The following ITGB3 variants were observed in gnomAD, a reference collection of about 807,000 sequenced individuals.
ITGB3 encodes integrin subunit beta 3, also known as integrin beta-3.
In ITGB3, 48 loss-of-function variants were observed where a neutral mutation model predicts 85.8. The observed-to-expected ratio is 0.56, with a 90% CI of 0.44 to 0.71. ITGB3 has a LOEUF of 0.71. Ranked by LOEUF, ITGB3 falls within the 30% of genes least tolerant of loss-of-function variation. The probability of loss-of-function intolerance (pLI) is 0.00; values close to 1 mark genes in which losing one functional copy is unlikely to be tolerated. For synonymous variants in ITGB3, 363 were observed against 395.6 expected, an observed-to-expected ratio of 0.92 and a Z score of 0.98; for missense variants, 861 against 1,019.1, an observed-to-expected ratio of 0.84 and a Z score of 2.11.
rs1347598077 is a variant in ITGB3, at chr17:47,313,629, G to T, written c.*3425G>T. On this transcript the variant is annotated 3_prime_UTR_variant, in exon 15 of 15. Transcript: ENST00000559488. ...CTCCCAAAGTGCTGGGATTACAGGC[G>T]TGAGCCACTGCCCCCGGCTGTGGTT... is the stretch of plus-strand genomic sequence containing the variant. Among the ~76,000 whole-genome samples the T allele has an allele frequency of 6.6e-6, 1 of 152,116 alleles. No homozygotes were observed. The highest frequency in any genetic ancestry group is 1.5e-5 in the Non-Finnish European group (1 of 68,018).
chr17:47,302,601 A>G, intron 12 of ITGB3, 120 bp from the exon 13 acceptor site: 1 of 1,199,732 alleles, frequency 8.3e-7, no homozygotes, highest in Non-Finnish European at 1.2e-6. Flanking sequence ...GGCATCGTGC[A>G]CATGAGGCAC....
Position 47,310,320 on chromosome 17 carries a change from T to C in ITGB3, c.*116T>C. ...GAGGGATTTGGGGCTCAGAGTGGGG[T>C]AGGTTGGGAGAATGTCAGTATGTGG... On this transcript the variant is annotated 3_prime_UTR_variant, in exon 15 of 15. Coordinates refer to ENST00000559488, the MANE Select transcript of ITGB3 (RefSeq NM_000212.3). 1.0e-6 allele frequency: 1 copy of C among 968,472 alleles called. No individual in the cohort carries two copies. The highest frequency in any genetic ancestry group is 1.4e-5 in the South Asian group (1 of 73,786). 60.0% of individuals were successfully genotyped at this position (968,472 alleles called of 1,614,324 possible). A position where few individuals can be genotyped will look rare whatever the true frequency, so the allele number is the denominator to read the frequency against.
In ITGB3 at chr17:47,287,240, T is replaced by C. The variant is rs2097281713; in HGVS notation, c.939+9T>C. On this transcript the variant is annotated intron_variant, in intron 6 of 14. Coordinates refer to ENST00000559488, the MANE Select transcript of ITGB3 (RefSeq NM_000212.3). ...CTGCCTCCACTACCATGGTGAGATC[T>C]CTGGCACCACCTATGGTTTCTATTC... The C allele has an allele frequency of 3.1e-6, 5 of 1,613,598 alleles. No individual in the cohort carries two copies. The highest frequency in any genetic ancestry group is 3.4e-6 in the Non-Finnish European group (4 of 1,179,622).
chr17:47,308,208 T>G (rs2065197496), intron 14 of ITGB3, among the ~76,000 whole-genome samples: 1 of 122,764 alleles, frequency 8.1e-6, no homozygotes, highest in Admixed American at 7.8e-5. Flanking sequence ...AAAAGGTTAC[T>G]TCCAAATCAG....
At chr17:47,291,229 T>C in intron 9 of ITGB3, 141 bp downstream of exon 9, 1 of 955,076 alleles carries the variant, frequency 1.0e-6, no homozygotes, top group East Asian at 2.5e-5. Context: ...CTGAAAGTCA[T>C]TCTAAGTTAG....
At chr17:47,307,024 G>T (rs1598702475) in intron 13 of ITGB3, among the ~76,000 whole-genome samples, 1 of 152,052 alleles carries the variant, frequency 6.6e-6, no homozygotes, top group Non-Finnish European at 1.5e-5. Flanking sequence ...TGCTTTAGGG[G>T]TACATGTGTG....
At chr17:47,258,663 G>C (rs904973452) in intron 1 of ITGB3, among the ~76,000 whole-genome samples, 1 of 151,564 alleles carries the variant, frequency 6.6e-6, no homozygotes, top group Non-Finnish European at 1.5e-5. Context: ...GGCTGGTCTC[G>C]AACTTCTGAG....
At chr17:47,271,521 A>G (rs904043666) in intron 1 of ITGB3, among the ~76,000 whole-genome samples, 4 of 152,232 alleles carry the variant, frequency 2.6e-5, no homozygotes, top group African/African-American at 9.7e-5. Flanking sequence ...AAATTGGTTA[A>G]TATTCTGCAA....
chr17:47,272,056 A>ATTTTTTT (rs58156465), intron 1 of ITGB3, among the ~76,000 whole-genome samples: 2 of 103,322 alleles, frequency 1.9e-5, no homozygotes, highest in African/African-American at 7.7e-5. Flanking sequence ...CACCGGGGCT[A>ATTTTTTT]TTTTTTTTTT....
At position 47,299,160 on chromosome 17, in the gene ITGB3, G is replaced by C; in HGVS notation, c.1691-148G>C. 1 of 761,690 alleles carries C rather than the reference G, an allele frequency of 1.3e-6. No homozygotes were observed. Among genetic ancestry groups the C allele is most frequent in the East Asian group, 2.7e-5 (1 of 37,276 alleles). The allele number at this position is 761,690 out of a possible 1,614,324, so 47.2% of individuals were successfully genotyped here. ...AACTGAGTTTGTCCCTGCTGGGTAG[G>C]ACTCCCCTGGGTGGTGAGCCAATTC... On this transcript the variant is annotated intron_variant, in intron 10 of 14. Coordinates refer to ENST00000559488, the MANE Select transcript of ITGB3 (RefSeq NM_000212.3). This position sits in a 1 kb window ranked among gnomAD's most constrained non-coding sequence, Gnocchi z 5.1.
intron 2 of ITGB3, among the ~76,000 whole-genome samples, chr17:47,274,898 C>T (rs1285230464): frequency 1.3e-5 from 2 of 152,158 alleles, no homozygotes; most frequent in East Asian, 3.8e-4. Flanking sequence ...CCTACCTTGG[C>T]CTCCCAATGT....
rs747534508 is a variant in ITGB3, at chr17:47,299,418, T to C, written c.1801T>C (p.Cys601Arg). 3.7e-6 allele frequency: 6 copies of C among 1,614,240 alleles called. No individual in the cohort carries two copies. Among genetic ancestry groups the C allele is most frequent in the Non-Finnish European group, 5.1e-6 (6 of 1,180,028 alleles). Reference protein sequence around the residue: ...DTCMSSNGLLCSGRGKCECGS... With the variant: ...DTCMSSNGLLRSGRGKCECGS... ...CTGCATGTCCAGCAATGGGCTGCTGTGCAGCGGCCGCGGCAAGTGTGAATG... is the reference window on the plus strand; with the variant it reads ...CTGCATGTCCAGCAATGGGCTGCTGCGCAGCGGCCGCGGCAAGTGTGAATG... Residue 601 changes from cysteine (C) to arginine (R), a missense_variant, in exon 11 of 15, where the codon TGC (cysteine) becomes CGC (arginine). Transcript: ENST00000559488. This position sits in a 1 kb window ranked among gnomAD's most constrained non-coding sequence, Gnocchi z 5.1.
chr17:47,284,586 C>T lies in ITGB3; in HGVS notation c.505C>T (p.Arg169Ter), dbSNP rs1038392991. 5 of 1,614,108 alleles carry T rather than the reference C, an allele frequency of 3.1e-6. No individual in the cohort carries two copies. The highest frequency in any genetic ancestry group is 1.6e-4 in the Middle Eastern group (1 of 6,062). ...GGGTACCAAGCTGGCCACCCAGATG[C>T]GAAAGCTCACCAGTAACCTGCGGAT... ...NLGTKLATQMRKLTSNLRIGF... is the reference protein window; with the variant it reads ...NLGTKLATQM Residue 169 changes from arginine (R) to a stop codon, truncating the protein, a stop_gained, in exon 4 of 15, where the codon CGA becomes TGA. Transcript: ENST00000559488. LOFTEE classifies it high-confidence loss of function.
intron 13 of ITGB3, among the ~76,000 whole-genome samples, chr17:47,306,058 T>A (rs2065186709): frequency 6.6e-6 from 1 of 152,270 alleles, no homozygotes; most frequent in East Asian, 1.9e-4. Flanking sequence ...AGTTAAGTGA[T>A]AAGTCAGGAT....
At chr17:47,276,482 G>C (rs2065064469) in intron 2 of ITGB3, among the ~76,000 whole-genome samples, 1 of 152,208 alleles carries the variant, frequency 6.6e-6, no homozygotes, top group African/African-American at 2.4e-5. Context: ...ACCAGCCTAG[G>C]AATTAGGGGT....
chr17:47,279,921 G>GGGAAGGAGA (rs1485743220), intron 2 of ITGB3: 1 of 152,306 alleles, frequency 6.6e-6, no homozygotes, highest in African/African-American at 2.4e-5. Flanking sequence ...GAGGAGGAAG[G>GGGAAGGAGA]GGTAGGAGAG....
chr17:47,287,382 T>G (rs2065106812), intron 6 of ITGB3, 151 bp downstream of exon 6: 1 of 771,742 alleles, frequency 1.3e-6, no homozygotes, highest in South Asian at 1.5e-5. Context: ...CCTTACCAAC[T>G]GGACACCGTC....
At chr17:47,265,107 T>C (rs1338018298) in intron 1 of ITGB3, among the ~76,000 whole-genome samples, 1 of 152,230 alleles carries the variant, frequency 6.6e-6, no homozygotes. Flanking sequence ...ACCATTGATA[T>C]ATATAGGTAG....
chr17:47,281,797 T>G (rs2064885242), intron 2 of ITGB3, among the ~76,000 whole-genome samples: 1 of 152,158 alleles, frequency 6.6e-6, no homozygotes, highest in South Asian at 2.1e-4. Context: ...GCTGAGGACT[T>G]CCTCTGTGCC....
Sources: gnomAD v4.1 joint callset for allele counts (sites outside exome capture counted in the v4.1 genomes callset) on GRCh38, gnomAD v4.1.1 for gene constraint, Gnocchi (gnomAD v3.1) non-coding constraint, MANE v1.5 for transcripts, NCBI Gene and HGNC (gene_info 2026-07-23, HGNC 2026-07-21) for gene names.